The following PRKCE variants were observed in gnomAD, a reference collection of about 807,000 sequenced individuals.
PRKCE encodes the protein protein kinase C epsilon type.
Under a neutral mutation model 85.4 loss-of-function variants are expected in PRKCE, and 16 were observed. That is an observed-to-expected ratio of 0.19 (90% CI 0.13 to 0.28). PRKCE has a LOEUF of 0.28. Ranked by LOEUF, PRKCE falls within the 10% of genes least tolerant of loss-of-function variation. The pLI, the probability that PRKCE is intolerant of heterozygous loss-of-function variation, is 1.00. For synonymous variants in PRKCE, 388 were observed against 371.5 expected, an observed-to-expected ratio of 1.04 and a Z score of -0.51; for missense variants, 573 against 975.2, an observed-to-expected ratio of 0.59 and a Z score of 5.49.
rs1032229132 is a variant in PRKCE, at chr2:46,186,585, G to C, written c.*1704G>C. 1 of 152,318 alleles carries C rather than the reference G, an allele frequency of 6.6e-6. No homozygotes were observed. Among genetic ancestry groups the C allele is most frequent in the African/African-American group, 2.4e-5 (1 of 41,332 alleles). The allele number at this position is 152,318 out of a possible 1,614,324, so 9.4% of individuals were successfully genotyped here. A position where few individuals can be genotyped will look rare whatever the true frequency, so the allele number is the denominator to read the frequency against. On this transcript the variant is annotated 3_prime_UTR_variant, in exon 15 of 15. Transcript: ENST00000306156. ...TCCTTTATGGGGGATGGGGGGGTGT[G>C]TTGGGGATTCTTTGTATTGTTTATT...
intron 1 of PRKCE, among the ~76,000 whole-genome samples, chr2:45,813,060 G>A (rs1005977605): frequency 4.9e-4 from 74 of 152,132 alleles, no homozygotes; most frequent in Non-Finnish European, 7.8e-4. Flanking sequence ...CCCCGCTGGC[G>A]GCCCAGGAAT....
chr2:45,930,121 G>A (rs1399909309), intron 2 of PRKCE, among the ~76,000 whole-genome samples: 1 of 152,140 alleles, frequency 6.6e-6, no homozygotes, highest in East Asian at 1.9e-4. Context: ...GTCAGATGAC[G>A]CCTCCATCCA....
chr2:46,096,056 CCT>C (rs1670652248), intron 11 of PRKCE, among the ~76,000 whole-genome samples: 1 of 152,224 alleles, frequency 6.6e-6, no homozygotes, highest in African/African-American at 2.4e-5. Flanking sequence ...GTCACCCTGT[CCT>C]CTCTGTTGCC....
intron 10 of PRKCE, among the ~76,000 whole-genome samples, chr2:46,028,380 G>A (rs1707280540): frequency 4.6e-5 from 7 of 152,222 alleles, no homozygotes; most frequent in Admixed American, 4.6e-4. Context: ...TTATAACTAA[G>A]AAGATGCCAA....
At position 45,652,096 on chromosome 2, in the gene PRKCE, C is replaced by CCCCAGG; in HGVS notation, c.-5_-4insCCCAGG. 6.5e-7 allele frequency: 1 copy of CCCCAGG among 1,533,088 alleles called. No individual in the cohort carries two copies. The highest frequency in any genetic ancestry group is 8.8e-7 in the Non-Finnish European group (1 of 1,136,726). 95.0% of individuals were successfully genotyped at this position (1,533,088 alleles called of 1,614,324 possible). On this transcript the variant is annotated 5_prime_UTR_variant, in exon 1 of 15. Coordinates refer to ENST00000306156, the MANE Select transcript of PRKCE (RefSeq NM_005400.3). The surrounding 1 kb of genome is among the most constrained non-coding windows in gnomAD (Gnocchi z 7.7). Reference sequence around the variant, plus strand: ...TGACCCCGGCCCCCACTCCCCGCCCCGACCATGGTAGTGTTCAATGGCCTT... The same window carrying CCCCAGG: ...TGACCCCGGCCCCCACTCCCCGCCCCCCCAGGGACCATGGTAGTGTTCAATGGCCTT...
At position 45,780,988 on chromosome 2, in the gene PRKCE, G is replaced by A. The variant is rs185790183; in HGVS notation, c.349-62012G>A. 5.9e-5 allele frequency among the ~76,000 whole-genome samples: 9 copies of A among 152,282 alleles called. No homozygotes were observed. The East Asian group carries it at 1.2e-3, about 20-fold the overall frequency. The stretch of plus-strand genomic sequence containing the variant: ...CAGAAATTGCCAGGGCTCGTGAAAT[G>A]CTTTACATATTGTATCACAAGCTCC... On this transcript the variant is annotated intron_variant, in intron 1 of 14. Transcript: ENST00000306156.
chr2:45,963,698 C>G (rs1434610176), intron 2 of PRKCE, among the ~76,000 whole-genome samples: 1 of 152,204 alleles, frequency 6.6e-6, no homozygotes, highest in African/African-American at 2.4e-5. Flanking sequence ...TCTTCAGATT[C>G]CCTGAAATTC....
intron 6 of PRKCE, among the ~76,000 whole-genome samples, chr2:45,993,862 C>G (rs1704010961): frequency 6.6e-6 from 1 of 152,124 alleles, no homozygotes; most frequent in East Asian, 1.9e-4. Context: ...CTCCATTAGT[C>G]AAGTCGGTGC....
At position 46,066,741 on chromosome 2, in the gene PRKCE, G is replaced by A. The variant is rs552793064; in HGVS notation, c.1438-19467G>A. Reference sequence around the variant, plus strand: ...ATAAGTACGTGGGAACTATGTCCTGGGCTTCACAGACAGGAGGAGAAGAGT... The same window carrying A: ...ATAAGTACGTGGGAACTATGTCCTGAGCTTCACAGACAGGAGGAGAAGAGT... On this transcript the variant is annotated intron_variant, in intron 10 of 14. Coordinates refer to ENST00000306156, the MANE Select transcript of PRKCE (RefSeq NM_005400.3). Among the ~76,000 whole-genome samples the A allele has an allele frequency of 3.3e-5, 5 of 152,244 alleles. No homozygotes were observed. The South Asian group carries it at 1.0e-3, about 32-fold the overall frequency.
At chr2:45,803,569 T>G (rs894051086) in intron 1 of PRKCE, among the ~76,000 whole-genome samples, 2 of 151,990 alleles carry the variant, frequency 1.3e-5, no homozygotes, top group African/African-American at 4.8e-5. Context: ...GTTAGGGGAG[T>G]GGTCACGAGG....
At chr2:45,699,632 C>G (rs1678450989) in intron 1 of PRKCE, among the ~76,000 whole-genome samples, 1 of 152,176 alleles carries the variant, frequency 6.6e-6, no homozygotes, top group South Asian at 2.1e-4. Context: ...TTGTTTTAGC[C>G]TTAATAACTG....
intron 14 of PRKCE, among the ~76,000 whole-genome samples, chr2:46,161,932 G>T (rs539868603): frequency 7.9e-5 from 12 of 152,252 alleles, no homozygotes; most frequent in African/African-American, 2.6e-4. Context: ...ATGGCAGGAA[G>T]GGTATGAAGA....
rs35099969 is a variant in PRKCE, at chr2:46,025,303, A to AAC, written c.1437+14786_1437+14787insAC. Among the ~76,000 whole-genome samples the AAC allele has an allele frequency of 8.6e-3, 1,304 of 152,332 alleles. 25 individuals carry two copies. The East Asian group carries it at 0.1, about 12-fold the overall frequency. On this transcript the variant is annotated intron_variant, in intron 10 of 14. Coordinates refer to ENST00000306156, the MANE Select transcript of PRKCE (RefSeq NM_005400.3). ...CCAGGGAACGTAAGACATCTGGAAC[A>AAC]CACACCCCCAGCCAGGGACGAAGTG... is the stretch of plus-strand genomic sequence containing the variant.
chr2:46,059,890 T>C (rs924773170), intron 10 of PRKCE, among the ~76,000 whole-genome samples: 3 of 152,216 alleles, frequency 2.0e-5, no homozygotes, highest in African/African-American at 7.2e-5. Context: ...TATTTCAGCA[T>C]TTGAATTATT....
intron 1 of PRKCE, among the ~76,000 whole-genome samples, chr2:45,728,322 C>G (rs1469466496): frequency 2.0e-5 from 3 of 152,086 alleles, no homozygotes; most frequent in African/African-American, 7.2e-5. Flanking sequence ...TTATAAGACC[C>G]TAATTGCCTG....
chr2:46,060,225 G>A (rs1229671433), intron 10 of PRKCE, among the ~76,000 whole-genome samples: 3 of 152,126 alleles, frequency 2.0e-5, no homozygotes, highest in Non-Finnish European at 4.4e-5. Flanking sequence ...TTTCAGTTTA[G>A]GGATGCATTT....
chr2:46,152,684 G>A (rs909815232), intron 13 of PRKCE, among the ~76,000 whole-genome samples: 1 of 151,608 alleles, frequency 6.6e-6, no homozygotes, highest in Admixed American at 6.6e-5. Context: ...GAGTAGCTAG[G>A]ATTACAGGCG....
At chr2:45,677,502 G>A (rs900964420) in intron 1 of PRKCE, among the ~76,000 whole-genome samples, 3 of 151,958 alleles carry the variant, frequency 2.0e-5, no homozygotes, top group Non-Finnish European at 1.5e-5. Flanking sequence ...GACTACAGGC[G>A]CCCGCCACCG....
At chr2:46,169,448 C>T (rs747310461) in intron 14 of PRKCE, among the ~76,000 whole-genome samples, 5 of 152,172 alleles carry the variant, frequency 3.3e-5, no homozygotes, top group Non-Finnish European at 7.3e-5. Flanking sequence ...CCTTTCTGGA[C>T]CTATTTCGCC....
Sources: allele counts gnomAD v4.1 joint callset (sites outside exome capture counted in the v4.1 genomes callset), GRCh38; gene constraint gnomAD v4.1.1; non-coding constraint Gnocchi (gnomAD v3.1); transcripts MANE v1.5; gene names NCBI Gene and HGNC (gene_info 2026-07-23, HGNC 2026-07-21).